CACNA2D2: variants seen among roughly 807,000 people sequenced by gnomAD.
CACNA2D2 encodes calcium voltage-gated channel auxiliary subunit alpha2delta 2.
In CACNA2D2, 48 loss-of-function variants were observed where a neutral mutation model predicts 166.4. That is an observed-to-expected ratio of 0.29 (90% CI 0.23 to 0.37). The LOEUF is 0.37. Among genes scored for constraint, CACNA2D2 ranks in the 10% least tolerant of loss-of-function variants. CACNA2D2 has a pLI of 1.00. For missense variants in CACNA2D2, 1,122 were observed against 1,433.0 expected (o/e 0.78, Z 3.50); for synonymous variants, 561 against 573.7 (o/e 0.98, Z 0.32).
At chr3:50,474,101 G>A (rs572013672) in intron 2 of CACNA2D2, among the ~76,000 whole-genome samples, 3 of 152,306 alleles carry the variant, frequency 2.0e-5, no homozygotes, top group South Asian at 2.1e-4. Context: ...GGAGCTGCAC[G>A]TTGGAACAGG....
At chr3:50,374,908 G>A (rs1704892075) in intron 21 of CACNA2D2, 95 bp from the exon 22 acceptor site, 2 of 989,990 alleles carry the variant, frequency 2.0e-6, no homozygotes, top group Non-Finnish European at 1.6e-6. Context: ...GGCCCCAGCT[G>A]CAGCATCCCC....
intron 2 of CACNA2D2, among the ~76,000 whole-genome samples, chr3:50,463,298 A>C (rs1215990212): frequency 6.6e-6 from 1 of 151,426 alleles, no homozygotes; most frequent in African/African-American, 2.4e-5. Flanking sequence ...AGAAGCTCCA[A>C]ATTTCTCTTT....
chr3:50,498,311 G>A (rs749176804), intron 1 of CACNA2D2, among the ~76,000 whole-genome samples: 1 of 151,788 alleles, frequency 6.6e-6, no homozygotes, highest in Non-Finnish European at 1.5e-5. Flanking sequence ...GGCTCCCCCA[G>A]CATCTATAAG....
At chr3:50,450,436 T>C (rs1559960927) in intron 2 of CACNA2D2, among the ~76,000 whole-genome samples, 1 of 143,298 alleles carries the variant, frequency 7.0e-6, no homozygotes, top group Admixed American at 7.4e-5. Flanking sequence ...GGACGTGAAA[T>C]TGGAGTGAGA....
Position 50,367,793 on chromosome 3 carries a change from C to A in CACNA2D2, c.2234+19G>T, listed in dbSNP as rs752904618. ...GGCCCATCCTAGCCTTCTGCCCCCA[C>A]AGGCTGGGTGATGCCTACGTGTTGA... On this transcript the variant is annotated intron_variant, in intron 25 of 37. Transcript: ENST00000424201. The surrounding 1 kb of genome is among the most constrained non-coding windows in gnomAD (Gnocchi z 6.5). 1 of 1,612,712 alleles carries A rather than the reference C, an allele frequency of 6.2e-7. No individual in the cohort carries two copies. The highest frequency in any genetic ancestry group is 1.7e-5 in the Admixed American group (1 of 59,974).
intron 2 of CACNA2D2, among the ~76,000 whole-genome samples, chr3:50,451,473 A>G (rs922706249): frequency 6.6e-6 from 1 of 151,682 alleles, no homozygotes; most frequent in African/African-American, 2.4e-5. Flanking sequence ...CACTTTGTTG[A>G]ACACTACCAG....
Position 50,365,694 on chromosome 3 carries a change from G to C in CACNA2D2, c.2916-6C>G, listed in dbSNP as rs587715324. On this transcript the variant is annotated splice_polypyrimidine_tract_variant and splice_region_variant and intron_variant, in intron 33 of 37. Transcript: ENST00000424201. This position sits in a 1 kb window ranked among gnomAD's most constrained non-coding sequence, Gnocchi z 4.5. ...GAAGCTGCTGGAACAGGGACCTGCA[G>C]CGCACGGGGAGCCGAGTGCAGGTGG... 29 of 1,590,694 alleles carry C rather than the reference G, an allele frequency of 1.8e-5. 1 individual carries two copies. In the East Asian group the frequency reaches 6.1e-4, roughly 34 times the overall value.
chr3:50,498,710 GAGAC>G (rs1560010259), intron 1 of CACNA2D2, among the ~76,000 whole-genome samples: 4 of 152,360 alleles, frequency 2.6e-5, no homozygotes, highest in Non-Finnish European at 4.4e-5. Context: ...GGAGGAAAGA[GAGAC>G]AGACAGGGCA....
rs192701851 is a variant in CACNA2D2 at position 50,407,354 on chromosome 3, G to A, written c.406-13186C>T. On this transcript the variant is annotated intron_variant, in intron 3 of 37. Coordinates refer to ENST00000424201, the MANE Select transcript of CACNA2D2 (RefSeq NM_006030.4). ...CATGCTCAGATGGAACCATGGTGCT[G>A]GCCAAATTAGACTTCCTAGGCCTGC... Among the ~76,000 whole-genome samples the A allele has an allele frequency of 4.2e-3, 630 of 151,402 alleles. 64 individuals are homozygous for A. In the East Asian group the frequency reaches 0.13, roughly 31 times the overall value.
chr3:50,415,406 G>A (rs992699373), intron 3 of CACNA2D2, among the ~76,000 whole-genome samples: 4 of 152,226 alleles, frequency 2.6e-5, no homozygotes, highest in Non-Finnish European at 5.9e-5. Context: ...CCAGGCCTAG[G>A]GCTGCAGATT....
intron 22 of CACNA2D2, among the ~76,000 whole-genome samples, chr3:50,371,531 C>T (rs921378584): frequency 1.3e-5 from 2 of 152,166 alleles, no homozygotes; most frequent in Non-Finnish European, 2.9e-5. Context: ...GTGGGTGGTC[C>T]ACCTTCTTAG....
In CACNA2D2 at chr3:50,453,087, G is replaced by A. The variant is rs1216993980; in HGVS notation, c.289-18658C>T. Among the ~76,000 whole-genome samples the A allele has an allele frequency of 2.6e-5, 4 of 152,126 alleles. No individual in the cohort carries two copies. The South Asian group carries it at 8.3e-4, about 32-fold the overall frequency. ...TCAGTTCTCTCACTGGGTCCAGAAC[G>A]AGTCCATGAGCCCATCTCCACATCA... is the stretch of plus-strand genomic sequence containing the variant. On this transcript the variant is annotated intron_variant, in intron 2 of 37. Coordinates refer to ENST00000424201, the MANE Select transcript of CACNA2D2 (RefSeq NM_006030.4).
intron 1 of CACNA2D2, among the ~76,000 whole-genome samples, chr3:50,483,818 T>C (rs2107126813): frequency 1.3e-5 from 2 of 152,300 alleles, no homozygotes; most frequent in South Asian, 2.1e-4. Flanking sequence ...GCCTGAGGCC[T>C]GAGCCAGTGG....
At chr3:50,495,692 G>C (rs1410986731) in intron 1 of CACNA2D2, among the ~76,000 whole-genome samples, 1 of 152,152 alleles carries the variant, frequency 6.6e-6, no homozygotes, top group Non-Finnish European at 1.5e-5. Flanking sequence ...AGATACTCAA[G>C]GGCTGCCAGT....
intron 2 of CACNA2D2, among the ~76,000 whole-genome samples, chr3:50,473,619 C>G (rs544471641): frequency 6.6e-6 from 1 of 152,328 alleles, no homozygotes; most frequent in African/African-American, 2.4e-5. Context: ...CCTATCAGAG[C>G]CAGGTATGGG....
In CACNA2D2 at chr3:50,364,753, G is replaced by A. The variant is rs924946197; in HGVS notation, c.3345C>T (p.Val1115=). 1.9e-6 allele frequency: 3 copies of A among 1,571,234 alleles called. No homozygotes were observed. Among genetic ancestry groups the A allele is most frequent in the Non-Finnish European group, 2.6e-6 (3 of 1,159,178 alleles). The stretch of plus-strand genomic sequence containing the variant: ...GGAGCAGCAGTTGCAGGGAGACCAG[G>A]ACGCCCAGCGACGGCGGGAAGGAGG... The part of the protein sequence containing the change: ...RGASFPPSLG[V]LVSLQLLLLL... The change falls in exon 38 of 38, where the codon GTC becomes GTT. Residue 1115 remains valine (V), a synonymous_variant. Coordinates refer to ENST00000424201, the MANE Select transcript of CACNA2D2 (RefSeq NM_006030.4).
intron 1 of CACNA2D2, among the ~76,000 whole-genome samples, chr3:50,501,435 C>T (rs1017907084): frequency 2.7e-5 from 4 of 148,960 alleles, no homozygotes; most frequent in Non-Finnish European, 5.9e-5. Context: ...TGTCCCAAAC[C>T]CCCAAATTAG....
intron 4 of CACNA2D2, among the ~76,000 whole-genome samples, chr3:50,391,263 C>T (rs1446392010): frequency 6.6e-6 from 1 of 152,256 alleles, no homozygotes; most frequent in Non-Finnish European, 1.5e-5. Flanking sequence ...CATTCCACTC[C>T]CAGCTCATGG....
intron 2 of CACNA2D2, among the ~76,000 whole-genome samples, chr3:50,436,743 C>T (rs1380568651): frequency 1.3e-5 from 2 of 152,216 alleles, no homozygotes; most frequent in Non-Finnish European, 2.9e-5. Flanking sequence ...CTCCCTGCCC[C>T]CACTCTCTCC....
Sources: gnomAD v4.1 joint callset for allele counts (sites outside exome capture counted in the v4.1 genomes callset) on GRCh38, gnomAD v4.1.1 for gene constraint, Gnocchi (gnomAD v3.1) non-coding constraint, MANE v1.5 for transcripts, NCBI Gene and HGNC (gene_info 2026-07-23, HGNC 2026-07-21) for gene names.